The following SBK2 variants were observed in gnomAD, a reference collection of about 807,000 sequenced individuals.
SBK2 encodes serine/threonine-protein kinase SBK2.
Under a neutral mutation model 15.9 loss-of-function variants are expected in SBK2, and 18 were observed. The ratio of observed to expected loss-of-function variants is 1.13; its 90% CI spans 0.78 to 1.68. SBK2 has a LOEUF of 1.68. Among genes scored for constraint, SBK2 ranks in the 40% most tolerant of loss-of-function variants. The pLI, the probability that SBK2 is intolerant of heterozygous loss-of-function variation, is 0.00. For missense variants in SBK2, 581 were observed against 510.9 expected, an observed-to-expected ratio of 1.14 and a Z score of -1.32; for synonymous variants, 284 against 246.8, an observed-to-expected ratio of 1.15 and a Z score of -1.41.
intron 2 of SBK2, among the ~76,000 whole-genome samples, chr19:55,535,559 C>G (rs1343725746): frequency 6.6e-6 from 1 of 152,144 alleles, no homozygotes; most frequent in African/African-American, 2.4e-5. Context: ...TCAGAGAGGG[C>G]AAGGGAGTTC....
chr19:55,529,940 C>T lies in SBK2; in HGVS notation c.840G>A (p.Trp280Ter). 6.5e-7 allele frequency: 1 copy of T among 1,528,208 alleles called. No individual in the cohort carries two copies. The allele number at this position is 1,528,208 out of a possible 1,614,324, so 94.7% of individuals were successfully genotyped here. A position where few individuals can be genotyped will look rare whatever the true frequency, so the allele number is the denominator to read the frequency against. The change falls in exon 4 of 4, where the codon TGG becomes TGA. Residue 280 changes from tryptophan to a stop codon, truncating the protein, a stop_gained. Coordinates refer to ENST00000413299, the MANE Select transcript of SBK2 (RefSeq NM_001370096.2). LOFTEE classifies it low-confidence loss of function (END_TRUNC). Reference protein sequence around the residue: ...ADPFYEDFLIWQASGQPRDRP... With the variant: ...ADPFYEDFLI ...GGTCCCGGGGCTGGCCCGACGCCTG[C>T]CAGATGAGGAAGTCCTCGTAGAAGG...
intron 2 of SBK2, among the ~76,000 whole-genome samples, chr19:55,532,669 T>G (rs1988301482): frequency 7.3e-6 from 1 of 137,284 alleles, no homozygotes; most frequent in Non-Finnish European, 1.5e-5. Context: ...AGCACAATCA[T>G]GGCTCACTGC....
rs187853786 is a variant in SBK2, at chr19:55,533,855, C to T, written c.253+2187G>A. Among the ~76,000 whole-genome samples the T allele has an allele frequency of 3.0e-3, 450 of 152,088 alleles. 2 individuals are homozygous for T. Among genetic ancestry groups the T allele is most frequent in the African/African-American group, 0.011 (440 of 41,474 alleles). On this transcript the variant is annotated intron_variant, in intron 2 of 3. Transcript: ENST00000413299. ...GATCCCTGCCCATCTATGCTCCCCA[C>T]GGTGCCCTGAGCTTCTTAACGACAG...
At chr19:55,534,762 C>T (rs1416011228) in intron 2 of SBK2, among the ~76,000 whole-genome samples, 1 of 149,030 alleles carries the variant, frequency 6.7e-6, no homozygotes. Context: ...CAGTGGCTCA[C>T]ACCTGTAATC....
intron 2 of SBK2, among the ~76,000 whole-genome samples, chr19:55,534,381 C>T (rs1483945207): frequency 2.6e-5 from 4 of 152,030 alleles, no homozygotes; most frequent in Admixed American, 6.6e-5. Context: ...ATCTTGATCT[C>T]GGGCTTCCAG....
rs200012838 is a variant in SBK2, at chr19:55,532,603, T to C, written c.254-1258A>G. ...AGGTGTGAGCCACTACACCCGCCCTTTTTTTTTTTTTTTTTAAGACAGGGT... is the reference window on the plus strand; with the variant it reads ...AGGTGTGAGCCACTACACCCGCCCTCTTTTTTTTTTTTTTTAAGACAGGGT... On this transcript the variant is annotated intron_variant, in intron 2 of 3. Transcript: ENST00000413299. 1.3e-4 allele frequency among the ~76,000 whole-genome samples: 12 copies of C among 89,148 alleles called. No individual in the cohort carries two copies. The East Asian group carries it at 2.0e-3, about 15-fold the overall frequency. The allele number at this position is 89,148 out of a possible 152,430, so 58.5% of individuals were successfully genotyped here. A position where few individuals can be genotyped will look rare whatever the true frequency, so the allele number is the denominator to read the frequency against.
intron 1 of SBK2, 27 bp from the exon 2 acceptor site, chr19:55,536,323 G>T (rs755884475): frequency 6.3e-6 from 9 of 1,439,976 alleles, no homozygotes; most frequent in Non-Finnish European, 7.2e-6. Context: ...GGGTGCCCAG[G>T]CTCAGGTCCC....
intron 2 of SBK2, among the ~76,000 whole-genome samples, chr19:55,535,618 C>T (rs1480379215): frequency 6.6e-6 from 1 of 152,176 alleles, no homozygotes; most frequent in Non-Finnish European, 1.5e-5. Flanking sequence ...CCTGTAATCC[C>T]AGCAATTGGG....
In SBK2 at chr19:55,533,707, T is replaced by C. The variant is rs1417045507; in HGVS notation, c.253+2335A>G. Among the ~76,000 whole-genome samples, 3 of 129,954 alleles carry C rather than the reference T, an allele frequency of 2.3e-5. No homozygotes were observed. The East Asian group carries it at 7.9e-4, about 34-fold the overall frequency. The allele number at this position is 129,954 out of a possible 152,430, so 85.3% of individuals were successfully genotyped here. A position where few individuals can be genotyped will look rare whatever the true frequency, so the allele number is the denominator to read the frequency against. ...AAAAAAAAAAAAAAAAAGAAAAAGT[T>C]CCTTCCTTATCAAAAACACCAGCCA... On this transcript the variant is annotated intron_variant, in intron 2 of 3. Transcript: ENST00000413299.
In SBK2 at chr19:55,531,182, G is replaced by A. The variant is rs774172230; in HGVS notation, c.417C>T (p.Pro139=). 13 of 1,612,864 alleles carry A rather than the reference G, an allele frequency of 8.1e-6. No homozygotes were observed. In the Admixed American group the frequency reaches 8.3e-5, roughly 10 times the overall value. ...SAHSYSFLTE[P]VLHGDLMAFI... is the part of the protein sequence containing the mutation. ...AGGCCATGAGGTCCCCGTGCAGGACGGGCTCCGTCAGGAAGCTGTAGGAGT... is the reference window on the plus strand; with the variant it reads ...AGGCCATGAGGTCCCCGTGCAGGACAGGCTCCGTCAGGAAGCTGTAGGAGT... Residue 139 remains proline, a synonymous_variant, in exon 3 of 4, where the codon CCC becomes CCT. Transcript: ENST00000413299.
rs1988202627 is a variant in SBK2 at position 55,529,916 on chromosome 19, G to A, written c.864C>T (p.Asp288=). Residue 288 remains aspartate (D), a synonymous_variant, in exon 4 of 4, where the codon GAC becomes GAT. Coordinates refer to ENST00000413299, the MANE Select transcript of SBK2 (RefSeq NM_001370096.2). ...LIWQASGQPR[D]RPQPWFGLAA... is the part of the protein sequence containing the mutation. ...CCAGGCCGAACCAGGGCTGAGGGCG[G>A]TCCCGGGGCTGGCCCGACGCCTGCC... 1 of 1,541,524 alleles carries A rather than the reference G, an allele frequency of 6.5e-7. No individual in the cohort carries two copies. The highest frequency in any genetic ancestry group is 8.7e-7 in the Non-Finnish European group (1 of 1,147,042).
intron 1 of SBK2, among the ~76,000 whole-genome samples, chr19:55,536,764 G>T (rs531066706): frequency 1.8e-3 from 266 of 150,690 alleles, no homozygotes; most frequent in South Asian, 0.012. Flanking sequence ...CACTTTCACA[G>T]CCCACCCACC....
In SBK2 at chr19:55,529,595, CAGAGAGG is replaced by C. The variant is rs71830799; in HGVS notation, c.*131_*137del. On this transcript the variant is annotated 3_prime_UTR_variant, in exon 4 of 4. Transcript: ENST00000413299. ...TGGACCAAGGGAGGAATGCAGCCTGCAGAGAGGAGAGAGGAGGAGGACGCCGAGGGGA... is the reference window on the plus strand; with the variant it reads ...TGGACCAAGGGAGGAATGCAGCCTGCAGAGAGGAGGAGGACGCCGAGGGGA... The C allele has an allele frequency of 0.21, 267,072 of 1,257,460 alleles. 29,090 individuals carry two copies. Among genetic ancestry groups the C allele is most frequent in the East Asian group, 0.36 (13,295 of 37,378 alleles). The allele number at this position is 1,257,460 out of a possible 1,614,324, so 77.9% of individuals were successfully genotyped here. A position where few individuals can be genotyped will look rare whatever the true frequency, so the allele number is the denominator to read the frequency against.
rs963930288 is a variant in SBK2, at chr19:55,528,783, T to C, written c.*950A>G. Among the ~76,000 whole-genome samples, 1 of 152,146 alleles carries C rather than the reference T, an allele frequency of 6.6e-6. No individual in the cohort carries two copies. Among genetic ancestry groups the C allele is most frequent in the Non-Finnish European group, 1.5e-5 (1 of 68,032 alleles). On this transcript the variant is annotated 3_prime_UTR_variant, in exon 4 of 4. Coordinates refer to ENST00000413299, the MANE Select transcript of SBK2 (RefSeq NM_001370096.2). ...GCGCCACACCAGACAGGCTAATTTA[T>C]TTAACAGACATTTCCTGATCCCTGC...
chr19:55,531,415 C>G, intron 2 of SBK2, 70 bp from the exon 3 acceptor site: 1 of 1,205,886 alleles, frequency 8.3e-7, no homozygotes, highest in Non-Finnish European at 1.2e-6. Flanking sequence ...TGCTCTGTTC[C>G]CCTGTGGTCC....
rs767301455 is a variant in SBK2, at chr19:55,529,684, G to T, written c.*49C>A. 2 of 1,577,278 alleles carry T rather than the reference G, an allele frequency of 1.3e-6. No individual in the cohort carries two copies. Among genetic ancestry groups the T allele is most frequent in the Non-Finnish European group, 8.6e-7 (1 of 1,169,506 alleles). On this transcript the variant is annotated 3_prime_UTR_variant, in exon 4 of 4. Transcript: ENST00000413299. The stretch of plus-strand genomic sequence containing the variant: ...GGAGACACCAAAAGCCGTTGGCCTT[G>T]GGGGCCTCGGGTGGGGCGGCTTCCC...
At chr19:55,530,620 T>G (rs377071405) in intron 3 of SBK2, among the ~76,000 whole-genome samples, 3 of 22,514 alleles carry the variant, frequency 1.3e-4, no homozygotes, top group African/African-American at 2.0e-4. Flanking sequence ...TGTGGCCTAG[T>G]GTGACCCGTG....
chr19:55,531,230 G>A lies in SBK2; in HGVS notation c.369C>T (p.Tyr123=), dbSNP rs200066533. 10 of 1,613,658 alleles carry A rather than the reference G, an allele frequency of 6.2e-6. No homozygotes were observed. Among genetic ancestry groups the A allele is most frequent in the Middle Eastern group, 1.7e-4 (1 of 6,056 alleles). The change falls in exon 3 of 4, where the codon TAC becomes TAT. Residue 123 remains tyrosine, a synonymous_variant. Coordinates refer to ENST00000413299, the MANE Select transcript of SBK2 (RefSeq NM_001370096.2). The part of the protein sequence containing the change: ...LGAHSAIVTA[Y]GIGIESAHSY... The stretch of plus-strand genomic sequence containing the variant: ...AGTGTGCCGACTCGATGCCAATGCC[G>A]TAGGCCGTCACGATGGCTGAGTGCG...
Position 55,529,079 on chromosome 19 carries a change from C to G in SBK2, c.*654G>C, listed in dbSNP as rs1379503952. 1.3e-5 allele frequency among the ~76,000 whole-genome samples: 2 copies of G among 151,750 alleles called. No homozygotes were observed. The highest frequency in any genetic ancestry group is 1.3e-4 in the Admixed American group (2 of 15,254). On this transcript the variant is annotated 3_prime_UTR_variant, in exon 4 of 4. Transcript: ENST00000413299. ...CTAGCCTGAGCAACACAGCAAGACC[C>G]GCCCCCAACCATCTTTTTAAAAAGT...
Sources: allele counts gnomAD v4.1 joint callset (sites outside exome capture counted in the v4.1 genomes callset), GRCh38; gene constraint gnomAD v4.1.1; transcripts MANE v1.5; gene names NCBI Gene and HGNC (gene_info 2026-07-23, HGNC 2026-07-21).